The following SPOCK2 variants were observed in gnomAD, a reference collection of about 807,000 sequenced individuals.
The protein encoded by SPOCK2 is SPARC (osteonectin), cwcv and kazal like domains proteoglycan 2, also known as testican-2.
A neutral mutation model predicts 60.1 loss-of-function variants in SPOCK2; 39 were observed. That is an observed-to-expected ratio of 0.65 (90% CI 0.50 to 0.85). The LOEUF (loss-of-function observed/expected upper bound fraction) is 0.85. Among genes scored for constraint, SPOCK2 ranks in the 40% least tolerant of loss-of-function variants. The pLI, the probability that SPOCK2 is intolerant of heterozygous loss-of-function variation, is 0.00. For missense variants in SPOCK2, 523 were observed against 567.4 expected (o/e 0.92, Z 0.80); for synonymous variants, 217 against 231.5 (o/e 0.94, Z 0.57).
At chr10:72,070,743 GT>G (rs1403222543) in intron 4 of SPOCK2, among the ~76,000 whole-genome samples, 3 of 152,094 alleles carry the variant, frequency 2.0e-5, no homozygotes, top group Admixed American at 6.5e-5. Context: ...CACTTAGGGG[GT>G]CAGACCAAAT....
At chr10:72,067,526 A>G (rs1252272871) in intron 7 of SPOCK2, 87 bp downstream of exon 7, 32 of 1,576,862 alleles carry the variant, frequency 2.0e-5, no homozygotes, top group Non-Finnish European at 2.7e-5. Flanking sequence ...AGGAAGGAAC[A>G]AGGGCAGACT....
intron 1 of SPOCK2, among the ~76,000 whole-genome samples, chr10:72,078,567 TATA>T (rs1435138861): frequency 5.3e-5 from 8 of 151,816 alleles, no homozygotes; most frequent in Admixed American, 5.2e-4. Flanking sequence ...TAATAAAAAA[TATA>T]ATAAGTATTA....
intron 1 of SPOCK2, among the ~76,000 whole-genome samples, chr10:72,079,784 T>C (rs1398523449): frequency 6.6e-6 from 1 of 152,046 alleles, no homozygotes; most frequent in African/African-American, 2.4e-5. Flanking sequence ...ACCTGCTTCT[T>C]TGCAGCACAG....
rs12571394 is a variant in SPOCK2, at chr10:72,085,101, C to G, written c.189+3039G>C. Among the ~76,000 whole-genome samples, 1,245 of 152,332 alleles carry G rather than the reference C, an allele frequency of 8.2e-3. 49 individuals are homozygous for G. In the East Asian group the frequency reaches 0.11, roughly 13 times the overall value. On this transcript the variant is annotated intron_variant, in intron 1 of 10. Coordinates refer to ENST00000373109, the MANE Select transcript of SPOCK2 (RefSeq NM_001244950.2). ...CTGTCTCCTCCAAGTGTCCATCCCTCTAGGCCCTAGATGCTTTGTTCCAAA... is the reference window on the plus strand; with the variant it reads ...CTGTCTCCTCCAAGTGTCCATCCCTGTAGGCCCTAGATGCTTTGTTCCAAA...
In SPOCK2 at chr10:72,068,041, C is replaced by G. The variant is rs1840595445; in HGVS notation, c.589+146G>C. On this transcript the variant is annotated intron_variant, in intron 6 of 10. Coordinates refer to ENST00000373109, the MANE Select transcript of SPOCK2 (RefSeq NM_001244950.2). The stretch of plus-strand genomic sequence containing the variant: ...CCTCCTGCTCTGTGTTAATCTGGGC[C>G]TCTGACCTCACAGCTCCCTCAAGCT... The G allele has an allele frequency of 3.1e-6, 3 of 980,484 alleles. No individual in the cohort carries two copies. The South Asian group carries it at 4.9e-5, about 16-fold the overall frequency. The allele number at this position is 980,484 out of a possible 1,614,324, so 60.7% of individuals were successfully genotyped here. A position where few individuals can be genotyped will look rare whatever the true frequency, so the allele number is the denominator to read the frequency against.
chr10:72,075,136 C>A (rs1742844165), intron 1 of SPOCK2, among the ~76,000 whole-genome samples: 1 of 152,150 alleles, frequency 6.6e-6, no homozygotes, highest in Admixed American at 6.5e-5. Context: ...TTCAGGGGTC[C>A]TCTGCTGGGG....
Position 72,088,545 on chromosome 10 carries a change from G to C in SPOCK2, c.-217C>G, listed in dbSNP as rs999567013. The C allele has an allele frequency of 8.3e-5, 43 of 515,786 alleles. No individual in the cohort carries two copies. Among genetic ancestry groups the C allele is most frequent in the Admixed American group, 3.7e-5 (1 of 27,234 alleles). The allele number at this position is 515,786 out of a possible 1,614,324, so 32.0% of individuals were successfully genotyped here. On this transcript the variant is annotated 5_prime_UTR_variant, in exon 1 of 11. Transcript: ENST00000373109. The stretch of plus-strand genomic sequence containing the variant: ...CCAGCACTGGACGCGGAGAGGGAGA[G>C]AGAATCAGAGAGGCTGCGCCAGCAG...
In SPOCK2 at chr10:72,066,887, G is replaced by C. The variant is rs200294662; in HGVS notation, c.928+15C>G. On this transcript the variant is annotated intron_variant, in intron 8 of 10. Coordinates refer to ENST00000373109, the MANE Select transcript of SPOCK2 (RefSeq NM_001244950.2). Reference sequence around the variant, plus strand: ...CACGGGTGAGGCAGGGGCCTGGGAGGGGGGCTGCACTCACTCTCCCTCCAG... The same window carrying C: ...CACGGGTGAGGCAGGGGCCTGGGAGCGGGGCTGCACTCACTCTCCCTCCAG... The C allele has an allele frequency of 1.2e-5, 20 of 1,613,874 alleles. No individual in the cohort carries two copies. In the East Asian group the frequency reaches 1.6e-4, roughly 13 times the overall value.
At chr10:72,082,708 G>A (rs1223584339) in intron 1 of SPOCK2, among the ~76,000 whole-genome samples, 1 of 151,938 alleles carries the variant, frequency 6.6e-6, no homozygotes, top group Non-Finnish European at 1.5e-5. Flanking sequence ...ACAAAAATTA[G>A]CCAGGCATGG....
rs1840857763 is a variant in SPOCK2, at chr10:72,086,567, G to A, written c.189+1573C>T. 5 of 1,141,270 alleles carry A rather than the reference G, an allele frequency of 4.4e-6. No individual in the cohort carries two copies. The Admixed American group carries it at 1.8e-4, about 42-fold the overall frequency. 70.7% of individuals were successfully genotyped at this position (1,141,270 alleles called of 1,614,324 possible). A position where few individuals can be genotyped will look rare whatever the true frequency, so the allele number is the denominator to read the frequency against. On this transcript the variant is annotated intron_variant, in intron 1 of 10. Transcript: ENST00000373109. The stretch of plus-strand genomic sequence containing the variant: ...CTGCCGCCCCCTCGCTGCTGTGGCC[G>A]GGCTGCTGCCCAGGAAGCGGCAGGA...
intron 1 of SPOCK2, among the ~76,000 whole-genome samples, chr10:72,080,530 C>A (rs1320358617): frequency 1.3e-5 from 2 of 152,134 alleles, no homozygotes; most frequent in Non-Finnish European, 2.9e-5. Context: ...CACCTGGGAT[C>A]CTCCTCCGCT....
chr10:72,064,932 C>A (rs12783418), intron 8 of SPOCK2, among the ~76,000 whole-genome samples: 6,815 of 92,070 alleles, frequency 0.074, 680 homozygotes, highest in Middle Eastern at 0.18. Flanking sequence ...GGGTTTCACC[C>A]TGTTAGCCAG....
At chr10:72,077,473 G>A (rs1320210475) in intron 1 of SPOCK2, among the ~76,000 whole-genome samples, 2 of 152,108 alleles carry the variant, frequency 1.3e-5, no homozygotes, top group African/African-American at 4.8e-5. Context: ...TGCTACCTGA[G>A]ACCCCTGAAA....
In SPOCK2 at chr10:72,070,428, T is replaced by C. The variant is rs1303841440; in HGVS notation, c.360-2A>G. On this transcript the variant is annotated splice_acceptor_variant, in intron 4 of 10. Coordinates refer to ENST00000373109, the MANE Select transcript of SPOCK2 (RefSeq NM_001244950.2). LOFTEE classifies it high-confidence loss of function. ...AGTTTCACGGTCGGCTGCTTGATCCTACAGGAGAGGGTGGGGGGCACACCA... is the reference window on the plus strand; with the variant it reads ...AGTTTCACGGTCGGCTGCTTGATCCCACAGGAGAGGGTGGGGGGCACACCA... 2 of 1,613,928 alleles carry C rather than the reference T, an allele frequency of 1.2e-6. No homozygotes were observed. The highest frequency in any genetic ancestry group is 1.7e-6 in the Non-Finnish European group (2 of 1,179,920).
At chr10:72,088,070 C>T (rs906183179) in intron 1 of SPOCK2, 70 bp downstream of exon 1, 84 of 1,564,662 alleles carry the variant, frequency 5.4e-5, no homozygotes, top group Non-Finnish European at 6.9e-5. Context: ...CGGCCGCTCC[C>T]GCAGACCCCG....
Position 72,062,555 on chromosome 10 carries a change from A to C in SPOCK2, c.*205T>G. On this transcript the variant is annotated 3_prime_UTR_variant, in exon 11 of 11. Transcript: ENST00000373109. The surrounding 1 kb of genome is among the most constrained non-coding windows in gnomAD (Gnocchi z 4.3). ...GCGCATGCCACACACACACACACAT[A>C]CACACATGCATGCACACATGCACTC... The C allele has an allele frequency of 1.1e-6, 1 of 926,502 alleles. No individual in the cohort carries two copies. Among genetic ancestry groups the C allele is most frequent in the Admixed American group, 2.6e-5 (1 of 38,042 alleles). The allele number at this position is 926,502 out of a possible 1,614,324, so 57.4% of individuals were successfully genotyped here.
intron 1 of SPOCK2, among the ~76,000 whole-genome samples, chr10:72,082,629 G>A (rs894039978): frequency 6.6e-6 from 1 of 151,964 alleles, no homozygotes; most frequent in Non-Finnish European, 1.5e-5. Flanking sequence ...GGAGGGGGGT[G>A]GATTGCTTGA....
intron 9 of SPOCK2, among the ~76,000 whole-genome samples, chr10:72,063,547 C>T (rs1390720546): frequency 2.6e-5 from 4 of 152,224 alleles, no homozygotes. Context: ...GAAGGCCCAG[C>T]CTTCTCCTCC....
upstream of SPOCK2, chr10:72,088,610 C>G: frequency 3.3e-6 from 1 of 299,636 alleles, no homozygotes; most frequent in Admixed American, 5.1e-5. Context: ...TTGACATCAT[C>G]ATACCTGGTT....
Sources: allele counts gnomAD v4.1 joint callset (sites outside exome capture counted in the v4.1 genomes callset), GRCh38; gene constraint gnomAD v4.1.1; non-coding constraint Gnocchi (gnomAD v3.1); transcripts MANE v1.5; gene names NCBI Gene and HGNC (gene_info 2026-07-23, HGNC 2026-07-21).